The following USH1C variants were observed in gnomAD, a reference collection of about 807,000 sequenced individuals.
The protein encoded by USH1C is USH1 protein network component harmonin, also known as harmonin.
A neutral mutation model predicts 119.3 loss-of-function variants in USH1C; 90 were observed. That is an observed-to-expected ratio of 0.75 (90% CI 0.64 to 0.90). The LOEUF is 0.90. Among genes scored for constraint, USH1C ranks in the 40% least tolerant of loss-of-function variants. USH1C has a pLI of 0.00. For missense variants in USH1C, 1,165 were observed against 1,167.7 expected, an observed-to-expected ratio of 1.00 and a Z score of 0.03; for synonymous variants, 465 against 443.3, an observed-to-expected ratio of 1.05 and a Z score of -0.62.
At position 17,531,684 on chromosome 11, in the gene USH1C, C is replaced by T; in HGVS notation, c.105-142G>A. ...CACTCCTGAAAAGCCCAGAGCTCTT[C>T]ACACCGGGCCAGTGCCTGAGAAGAC... On this transcript the variant is annotated intron_variant, in intron 2 of 26. Coordinates refer to ENST00000005226, the MANE Select transcript of USH1C (RefSeq NM_153676.4). The surrounding 1 kb of genome is among the most constrained non-coding windows in gnomAD (Gnocchi z 4.2). 9.4e-7 allele frequency: 1 copy of T among 1,059,964 alleles called. No homozygotes were observed. Among genetic ancestry groups the T allele is most frequent in the South Asian group, 1.4e-5 (1 of 69,986 alleles). The allele number at this position is 1,059,964 out of a possible 1,614,324, so 65.7% of individuals were successfully genotyped here. A position where few individuals can be genotyped will look rare whatever the true frequency, so the allele number is the denominator to read the frequency against.
chr11:17,510,711 C>T (rs1479109775), intron 16 of USH1C, among the ~76,000 whole-genome samples, 190 bp from the exon 17 acceptor site: 5 of 152,038 alleles, frequency 3.3e-5, no homozygotes, highest in East Asian at 1.9e-4. Context: ...AAGAGAGTGG[C>T]GGGGTGTCAA....
At chr11:17,518,117 T>G (rs1486164846) in intron 14 of USH1C, among the ~76,000 whole-genome samples, 3 of 152,274 alleles carry the variant, frequency 2.0e-5, no homozygotes, top group African/African-American at 4.8e-5. Context: ...CGTTTGCTTG[T>G]GAGCTGCTTT....
At position 17,504,686 on chromosome 11, in the gene USH1C, C is replaced by T. The variant is rs1360883256; in HGVS notation, c.2145G>A (p.Met715Ile). ...TCTGATAAACCACCATCCTCTTCAA[C>T]ATCTCCTGTGGCTGCCAGAGGAAAA... ...AVKSEVLPQE[M>I]LKRMVVYQTA... The change falls in exon 20 of 27, where the codon ATG (methionine) becomes ATA (isoleucine). Residue 715 changes from methionine (M) to isoleucine (I), a missense_variant. Transcript: ENST00000005226. The T allele has an allele frequency of 2.5e-6, 4 of 1,613,926 alleles. No individual in the cohort carries two copies. The highest frequency in any genetic ancestry group is 1.3e-5 in the African/African-American group (1 of 74,868).
At chr11:17,532,137 C>G (rs895035002) in intron 2 of USH1C, among the ~76,000 whole-genome samples, 6 of 152,174 alleles carry the variant, frequency 3.9e-5, no homozygotes, top group African/African-American at 1.4e-4. Context: ...GCTTCTCCAG[C>G]CTTGTGGCTA....
At chr11:17,503,217 G>C (rs1400920853) in intron 20 of USH1C, among the ~76,000 whole-genome samples, 1 of 152,178 alleles carries the variant, frequency 6.6e-6, no homozygotes, top group Non-Finnish European at 1.5e-5. Context: ...TGAATGCACA[G>C]GCAAGAAGGA....
Position 17,531,403 on chromosome 11 carries a change from A to T in USH1C, c.244T>A (p.Ser82Thr). 1 of 1,613,798 alleles carries T rather than the reference A, an allele frequency of 6.2e-7. No individual in the cohort carries two copies. The change falls in exon 3 of 27, where the codon TCC (serine) becomes ACC (threonine). Residue 82 changes from serine (S) to threonine (T), a missense_variant. By Grantham distance (58) the Ser-to-Thr change is moderately conservative. Transcript: ENST00000005226. The surrounding 1 kb of genome is among the most constrained non-coding windows in gnomAD (Gnocchi z 4.2). ...GCCTGGTGGCTTCCTCTGCACCTGGAGCGCCGGGGGGTCAGCTGATCATAT... is the reference window on the plus strand; with the variant it reads ...GCCTGGTGGCTTCCTCTGCACCTGGTGCGCCGGGGGGTCAGCTGATCATAT... ...VEYDQLTPRR[S>T]RKLKEVRLDR...
At chr11:17,516,118 G>T in intron 15 of USH1C, 123 bp downstream of exon 15, 1 of 1,079,204 alleles carries the variant, frequency 9.3e-7, no homozygotes, top group Non-Finnish European at 1.4e-6. Context: ...GATGGAGTTA[G>T]CCTTCCAAGT....
chr11:17,504,518 C>T (rs2133798148), intron 20 of USH1C, 129 bp downstream of exon 20: 1 of 1,032,560 alleles, frequency 9.7e-7, no homozygotes, highest in Non-Finnish European at 1.5e-6. Flanking sequence ...CAGCTCTGGC[C>T]TGAGGCTTGG....
At chr11:17,502,160 C>A in intron 20 of USH1C, 180 bp from the exon 21 acceptor site, 1 of 586,680 alleles carries the variant, frequency 1.7e-6, no homozygotes, top group African/African-American at 1.9e-5. Flanking sequence ...CCAGGGCACC[C>A]CTGTTCAGGG....
chr11:17,520,618 C>A (rs1850366066), intron 14 of USH1C, among the ~76,000 whole-genome samples: 1 of 152,146 alleles, frequency 6.6e-6, no homozygotes, highest in African/African-American at 2.4e-5. Context: ...AGCCTGACAG[C>A]CTGCCCATGT....
intron 14 of USH1C, among the ~76,000 whole-genome samples, chr11:17,519,810 C>A (rs540194656): frequency 1.1e-3 from 174 of 152,292 alleles, no homozygotes; most frequent in African/African-American, 4.1e-3. Context: ...TGAAATGGAA[C>A]CATCCAGATG....
At position 17,509,355 on chromosome 11, in the gene USH1C, C is replaced by T; in HGVS notation, c.2013+1G>A. 1.9e-6 allele frequency: 3 copies of T among 1,575,130 alleles called. No individual in the cohort carries two copies. Among genetic ancestry groups the T allele is most frequent in the Middle Eastern group, 1.7e-4 (1 of 5,908 alleles). On this transcript the variant is annotated splice_donor_variant, in intron 18 of 26. Transcript: ENST00000005226. LOFTEE classifies it high-confidence loss of function. Reference sequence around the variant, plus strand: ...CATAGCATGCAGAACAGGGACATTACCTTTGGGGTGGGTGGGAAGCTCTGT... The same window carrying T: ...CATAGCATGCAGAACAGGGACATTATCTTTGGGGTGGGTGGGAAGCTCTGT...
intron 14 of USH1C, chr11:17,517,326 C>A (rs1047565777): frequency 3.4e-6 from 5 of 1,459,888 alleles, no homozygotes; most frequent in Non-Finnish European, 4.7e-6. Flanking sequence ...AGCTGGGTGT[C>A]TGCACTGCGG....
chr11:17,507,361 T>G lies in USH1C; in HGVS notation c.2014-1412A>C, dbSNP rs574365541. Among the ~76,000 whole-genome samples the G allele has an allele frequency of 3.9e-5, 6 of 152,282 alleles. No homozygotes were observed. The South Asian group carries it at 8.3e-4, about 21-fold the overall frequency. On this transcript the variant is annotated intron_variant, in intron 18 of 26. Coordinates refer to ENST00000005226, the MANE Select transcript of USH1C (RefSeq NM_153676.4). The stretch of plus-strand genomic sequence containing the variant: ...CCTTGTGTTGGGGGGCTTTTAACCT[T>G]CCCTGGGCTCTGATCAGGAACTAAC...
intron 20 of USH1C, among the ~76,000 whole-genome samples, chr11:17,502,471 A>G (rs2073584): frequency 0.2 from 29,807 of 152,246 alleles, 3,960 homozygotes; most frequent in African/African-American, 0.37. Flanking sequence ...GAAATCAGCC[A>G]CAAGATGGTG....
intron 26 of USH1C, 31 bp downstream of exon 26, chr11:17,495,538 A>G (rs752049112): frequency 6.2e-7 from 1 of 1,605,030 alleles, no homozygotes; most frequent in Admixed American, 1.7e-5. Flanking sequence ...GCAGGGACAC[A>G]CAGGGCCCTG....
At chr11:17,533,065 T>C (rs1311313673) in intron 2 of USH1C, among the ~76,000 whole-genome samples, 190 bp downstream of exon 2, 2 of 152,120 alleles carry the variant, frequency 1.3e-5, no homozygotes, top group Admixed American at 1.3e-4. Context: ...ACCCAGCCCC[T>C]AGTACAAAGC....
intron 23 of USH1C, among the ~76,000 whole-genome samples, chr11:17,498,638 G>A (rs965898105): frequency 6.6e-6 from 1 of 152,172 alleles, no homozygotes; most frequent in Admixed American, 6.5e-5. Context: ...TCAGGTCCCT[G>A]AGCTGCCATG....
chr11:17,496,429 T>C (rs934719174), intron 25 of USH1C, among the ~76,000 whole-genome samples: 3 of 152,160 alleles, frequency 2.0e-5, no homozygotes, highest in African/African-American at 7.2e-5. Flanking sequence ...CATCTAATAA[T>C]GGGGCAGGGG....
Sources: allele counts gnomAD v4.1 joint callset (sites outside exome capture counted in the v4.1 genomes callset), GRCh38; gene constraint gnomAD v4.1.1; non-coding constraint Gnocchi (gnomAD v3.1); transcripts MANE v1.5; gene names NCBI Gene and HGNC (gene_info 2026-07-23, HGNC 2026-07-21).